SLC9C2: variants seen among roughly 807,000 people sequenced by gnomAD.
SLC9C2 encodes the protein sodium/hydrogen exchanger 11.
A neutral mutation model predicts 140.2 loss-of-function variants in SLC9C2; 75 were observed. The observed-to-expected ratio is 0.53, with a 90% CI of 0.44 to 0.65. The LOEUF (loss-of-function observed/expected upper bound fraction) is 0.65. Ranked by LOEUF, SLC9C2 falls within the 30% of genes least tolerant of loss-of-function variation. The pLI is 0.00. For missense variants in SLC9C2, 1,074 were observed against 1,331.8 expected (o/e 0.81, Z 3.01); for synonymous variants, 375 against 420.9 (o/e 0.89, Z 1.34).
At chr1:173,523,829 G>A (rs1038612267) in intron 21 of SLC9C2, 140 bp downstream of exon 21, 2 of 1,122,152 alleles carry the variant, frequency 1.8e-6, no homozygotes, top group Admixed American at 5.5e-5. Flanking sequence ...TCTTCCTCTA[G>A]GCTTTCCTGG....
At chr1:173,543,039 T>C (rs1010596374) in intron 13 of SLC9C2, among the ~76,000 whole-genome samples, 5 of 152,108 alleles carry the variant, frequency 3.3e-5, no homozygotes, top group Non-Finnish European at 7.4e-5. Context: ...AAATAAAGGG[T>C]ATTCAATTAG....
intron 18 of SLC9C2, 116 bp from the exon 19 acceptor site, chr1:173,526,830 T>C (rs913559737): frequency 3.0e-5 from 22 of 730,804 alleles, no homozygotes; most frequent in Non-Finnish European, 4.6e-5. Context: ...TTATACCAAG[T>C]ATAGTTCTGG....
At chr1:173,525,660 T>C (rs557184487) in intron 19 of SLC9C2, among the ~76,000 whole-genome samples, 1 of 152,340 alleles carries the variant, frequency 6.6e-6, no homozygotes, top group East Asian at 1.9e-4. Flanking sequence ...TGAGATAATG[T>C]ACATAAAGAG....
At chr1:173,507,132 T>G in intron 24 of SLC9C2, 91 bp from the exon 25 acceptor site, 1 of 1,070,078 alleles carries the variant, frequency 9.3e-7, no homozygotes, top group Non-Finnish European at 1.3e-6. Flanking sequence ...TCTGAATTAT[T>G]TGAGGGTGTC....
Position 173,573,775 on chromosome 1 carries a change from G to A in SLC9C2, c.903-450C>T, listed in dbSNP as rs1664988405. ...CAACCTCTCCCTCTGTGACTCACAT[G>A]TACTCTTCTATTTACTTTGAAAGTC... On this transcript the variant is annotated intron_variant, in intron 8 of 27. Coordinates refer to ENST00000367714, the MANE Select transcript of SLC9C2 (RefSeq NM_178527.4). 3.3e-5 allele frequency among the ~76,000 whole-genome samples: 5 copies of A among 152,264 alleles called. No homozygotes were observed. In the South Asian group the frequency reaches 1.0e-3, roughly 32 times the overall value.
chr1:173,569,409 T>C (rs1444313647), intron 9 of SLC9C2, among the ~76,000 whole-genome samples: 2 of 152,072 alleles, frequency 1.3e-5, no homozygotes, highest in Non-Finnish European at 2.9e-5. Flanking sequence ...AGTTTGATTA[T>C]TAAATGCCTT....
At chr1:173,553,179 A>G (rs1475723928) in intron 11 of SLC9C2, among the ~76,000 whole-genome samples, 2 of 152,332 alleles carry the variant, frequency 1.3e-5, no homozygotes, top group Admixed American at 1.3e-4. Context: ...TCTCAGGATA[A>G]AACTTGCATG....
Position 173,547,761 on chromosome 1 carries a change from A to G in SLC9C2, c.1485T>C (p.Asp495=). ...YIPFSHVSHN[D]MKTESTTDEA... is the part of the protein sequence containing the mutation. Reference sequence around the variant, plus strand: ...CATCTGTTGTGGATTCTGTCTTCATATCATTATGTGAAACGTGGGAAAACT... The same window carrying G: ...CATCTGTTGTGGATTCTGTCTTCATGTCATTATGTGAAACGTGGGAAAACT... The change falls in exon 13 of 28, where the codon GAT becomes GAC. Residue 495 remains aspartate (D), a synonymous_variant. Coordinates refer to ENST00000367714, the MANE Select transcript of SLC9C2 (RefSeq NM_178527.4). 1 of 1,612,090 alleles carries G rather than the reference A, an allele frequency of 6.2e-7. No homozygotes were observed. Among genetic ancestry groups the G allele is most frequent in the Non-Finnish European group, 8.5e-7 (1 of 1,178,570 alleles).
At chr1:173,580,780 G>A (rs950832054) in intron 7 of SLC9C2, among the ~76,000 whole-genome samples, 27 of 152,038 alleles carry the variant, frequency 1.8e-4, no homozygotes, top group South Asian at 2.1e-4. Flanking sequence ...AAAGCTCTTC[G>A]AGGACTAGTA....
intron 19 of SLC9C2, among the ~76,000 whole-genome samples, chr1:173,526,201 G>A (rs1661182376): frequency 6.6e-6 from 1 of 152,218 alleles, no homozygotes; most frequent in African/African-American, 2.4e-5. Flanking sequence ...TTCAAATAAA[G>A]TGGAGTGACT....
intron 11 of SLC9C2, among the ~76,000 whole-genome samples, chr1:173,552,029 CA>C (rs528845719): frequency 3.2e-4 from 49 of 152,222 alleles, no homozygotes; most frequent in African/African-American, 1.2e-3. Context: ...GGTAAGAAGG[CA>C]AAACAGCCTT....
intron 9 of SLC9C2, among the ~76,000 whole-genome samples, chr1:173,560,178 T>C (rs1171413661): frequency 6.6e-6 from 1 of 152,220 alleles, no homozygotes; most frequent in Non-Finnish European, 1.5e-5. Context: ...CTTTTTTAGC[T>C]GAATAGAAGG....
Position 173,601,828 on chromosome 1 carries a change from A to G in SLC9C2, c.-52T>C. 1 of 1,605,922 alleles carries G rather than the reference A, an allele frequency of 6.2e-7. No homozygotes were observed. The highest frequency in any genetic ancestry group is 1.1e-5 in the South Asian group (1 of 89,780). On this transcript the variant is annotated 5_prime_UTR_variant, in exon 2 of 28. Transcript: ENST00000367714. ...AACTTGATGGAGTGGTTTGGTTATT[A>G]TTGACACTTTCACTTCTGCATGCTA...
At chr1:173,523,658 C>T (rs1660987154) in intron 21 of SLC9C2, among the ~76,000 whole-genome samples, 1 of 152,166 alleles carries the variant, frequency 6.6e-6, no homozygotes, top group Non-Finnish European at 1.5e-5. Context: ...GAGACCCTTG[C>T]TCTAAAAAAT....
rs747015070 is a variant in SLC9C2 at position 173,536,961 on chromosome 1, A to G, written c.1636T>C (p.Tyr546His). The change falls in exon 14 of 28, where the codon TAT (tyrosine) becomes CAT (histidine). Residue 546 changes from tyrosine (Y) to histidine (H), a missense_variant. By Grantham distance (83) the Tyr-to-His change is moderately conservative (BLOSUM62 2). Coordinates refer to ENST00000367714, the MANE Select transcript of SLC9C2 (RefSeq NM_178527.4). ...ACTTACTTTCCTTGGATGGAGTAAT[A>G]GCATTTTGCTGCACCAATTAATATC... ...ARILIGAAKC[Y>H]YSIQGKFMSI... 1 of 1,613,476 alleles carries G rather than the reference A, an allele frequency of 6.2e-7. No individual in the cohort carries two copies. The highest frequency in any genetic ancestry group is 1.1e-5 in the South Asian group (1 of 91,032).
intron 7 of SLC9C2, among the ~76,000 whole-genome samples, chr1:173,581,001 T>G (rs1239355563): frequency 1.3e-5 from 2 of 152,170 alleles, no homozygotes; most frequent in Admixed American, 6.5e-5. Context: ...TGAAGAAATT[T>G]GAAGGAAATG....
chr1:173,575,803 C>A (rs556793443), intron 8 of SLC9C2, among the ~76,000 whole-genome samples: 1 of 152,172 alleles, frequency 6.6e-6, no homozygotes, highest in Non-Finnish European at 1.5e-5. Context: ...TGGTCTCGAT[C>A]TCCTGACCTC....
chr1:173,526,927 C>A (rs200667025), intron 18 of SLC9C2, among the ~76,000 whole-genome samples: 8 of 152,030 alleles, frequency 5.3e-5, no homozygotes, highest in South Asian at 2.1e-4. Context: ...CTCACTGCAA[C>A]CTCCACTTCC....
chr1:173,566,727 G>A (rs1320889032), intron 9 of SLC9C2, among the ~76,000 whole-genome samples: 2 of 146,600 alleles, frequency 1.4e-5, no homozygotes, highest in Non-Finnish European at 1.5e-5. Flanking sequence ...TTTGAGTTTG[G>A]TTTGCTCTTC....
Sources: gnomAD v4.1 joint callset for allele counts (sites outside exome capture counted in the v4.1 genomes callset) on GRCh38, gnomAD v4.1.1 for gene constraint, MANE v1.5 for transcripts, NCBI Gene and HGNC (gene_info 2026-07-23, HGNC 2026-07-21) for gene names.